NEMP2: variants seen among roughly 807,000 people sequenced by gnomAD.
The protein encoded by NEMP2 is nuclear envelope integral membrane protein 2.
NEMP2 carries 53 observed loss-of-function variants against 54.2 expected under a neutral mutation model. The observed-to-expected ratio is 0.98, with a 90% CI of 0.78 to 1.23. NEMP2 has a LOEUF of 1.23. Ranked by LOEUF, NEMP2 falls within the 50% of genes most tolerant of loss-of-function variation. NEMP2 has a pLI of 0.00. For missense variants in NEMP2, 455 were observed against 511.3 expected (o/e 0.89, Z 1.06); for synonymous variants, 197 against 190.3 (o/e 1.04, Z -0.29).
the NEMP2 span, among the ~76,000 whole-genome samples, chr2:190,450,604 C>T: frequency 4.6e-5 from 7 of 151,064 alleles, no homozygotes; most frequent in African/African-American, 1.5e-4. Flanking sequence ...ATGATACCCC[C>T]ACCCCAGCCT....
chr2:190,496,818 C>A, the NEMP2 span, among the ~76,000 whole-genome samples: 1 of 152,124 alleles, frequency 6.6e-6, no homozygotes, highest in Admixed American at 6.5e-5. This position sits in a 1 kb window ranked among gnomAD's most constrained non-coding sequence, Gnocchi z 4.7. Context: ...GAATGGAAAA[C>A]CAAACATCGT....
chr2:190,631,860 A>C, the NEMP2 span, among the ~76,000 whole-genome samples: 1 of 152,184 alleles, frequency 6.6e-6, no homozygotes, highest in Non-Finnish European at 1.5e-5. Context: ...GTTCGAGACC[A>C]GCCTGGGCAA....
chr2:190,639,284 T>G, the NEMP2 span, among the ~76,000 whole-genome samples: 57 of 152,190 alleles, frequency 3.7e-4, no homozygotes, highest in African/African-American at 1.1e-3. Context: ...GGGTCTACCA[T>G]GTGTCAGATG....
At chr2:190,503,018 G>A (rs1053212249), downstream of NEMP2, among the ~76,000 whole-genome samples, 4 of 152,190 alleles carry the variant, frequency 2.6e-5, no homozygotes, top group Non-Finnish European at 4.4e-5. The surrounding 1 kb of genome is among the most constrained non-coding windows in gnomAD (Gnocchi z 6.3). Context: ...CCCTGCATCT[G>A]TTATGGCAGA....
At chr2:190,500,141 C>G (rs758862665), downstream of NEMP2, 13 of 1,614,008 alleles carry the variant, frequency 8.1e-6, no homozygotes, top group Admixed American at 1.7e-4. The surrounding 1 kb of genome is among the most constrained non-coding windows in gnomAD (Gnocchi z 5.3). Context: ...GCAGACCAGC[C>G]CCGCTCACCC....
the NEMP2 span, among the ~76,000 whole-genome samples, chr2:190,428,654 C>CTTATTTAT: frequency 3.1e-4 from 34 of 108,346 alleles, no homozygotes; most frequent in African/African-American, 1.4e-3. Context: ...GAGATGCTTG[C>CTTATTTAT]TTATTTATTT....
the NEMP2 span, among the ~76,000 whole-genome samples, chr2:190,440,292 GA>G: frequency 6.6e-6 from 1 of 152,136 alleles, no homozygotes; most frequent in African/African-American, 2.4e-5. Context: ...GTTTCTCAGG[GA>G]CTGACCTGTC....
chr2:190,472,026 G>A, the NEMP2 span, among the ~76,000 whole-genome samples: 1 of 152,188 alleles, frequency 6.6e-6, no homozygotes, highest in Non-Finnish European at 1.5e-5. Context: ...TGCAGCTGAG[G>A]CTCCTGACTG....
chr2:190,468,651 T>C, the NEMP2 span, among the ~76,000 whole-genome samples: 2 of 148,916 alleles, frequency 1.3e-5, no homozygotes, highest in African/African-American at 5.0e-5. Flanking sequence ...TAGAGACAGG[T>C]TCTCACTATG....
the NEMP2 span, chr2:190,437,502 G>A: frequency 1.9e-6 from 3 of 1,614,210 alleles, no homozygotes; most frequent in Non-Finnish European, 2.5e-6. The surrounding 1 kb of genome is among the most constrained non-coding windows in gnomAD (Gnocchi z 5.9). Flanking sequence ...TGAGTCATGT[G>A]TCTGAGCTGA....
chr2:190,422,599 T>C, the NEMP2 span, among the ~76,000 whole-genome samples: 1 of 152,200 alleles, frequency 6.6e-6, no homozygotes, highest in East Asian at 1.9e-4. Flanking sequence ...ATGCTTATTA[T>C]GTGAAATATT....
chr2:190,644,098 C>T, the NEMP2 span, among the ~76,000 whole-genome samples: 4 of 152,026 alleles, frequency 2.6e-5, no homozygotes, highest in Non-Finnish European at 4.4e-5. This position sits in a 1 kb window ranked among gnomAD's most constrained non-coding sequence, Gnocchi z 4.4. Flanking sequence ...ACAAGGAAAA[C>T]AGTGCTATTA....
At chr2:190,471,926 G>T in the NEMP2 span, among the ~76,000 whole-genome samples, 1 of 152,214 alleles carries the variant, frequency 6.6e-6, no homozygotes, top group Non-Finnish European at 1.5e-5. This position sits in a 1 kb window ranked among gnomAD's most constrained non-coding sequence, Gnocchi z 4.7. Flanking sequence ...AATATTTGCT[G>T]TTCACCAATA....
the NEMP2 span, chr2:190,625,595 G>C: frequency 6.6e-6 from 1 of 152,140 alleles, no homozygotes; most frequent in African/African-American, 2.4e-5. Context: ...TTTTATAAAA[G>C]AAAGAAAGGA....
chr2:190,563,184 T>C, the NEMP2 span, among the ~76,000 whole-genome samples: 2 of 152,206 alleles, frequency 1.3e-5, no homozygotes, highest in African/African-American at 4.8e-5. This position sits in a 1 kb window ranked among gnomAD's most constrained non-coding sequence, Gnocchi z 4.3. Flanking sequence ...CAAGGTGGCT[T>C]TGTGCTGTGT....
Position 190,521,737 on chromosome 2 carries a change from T to C in NEMP2, c.214-2554A>G, listed in dbSNP as rs1371138809. Among the ~76,000 whole-genome samples, 2 of 152,232 alleles carry C rather than the reference T, an allele frequency of 1.3e-5. No individual in the cohort carries two copies. Among genetic ancestry groups the C allele is most frequent in the African/African-American group, 2.4e-5 (1 of 41,460 alleles). ...GTTGCTAACTCAAATGCCCAATTAA[T>C]TCTCAGTCATCTTATTTGACCTGTC... On this transcript the variant is annotated intron_variant, in intron 2 of 8. Coordinates refer to ENST00000409150, the MANE Select transcript of NEMP2 (RefSeq NM_001142645.2). This position sits in a 1 kb window ranked among gnomAD's most constrained non-coding sequence, Gnocchi z 6.2.
chr2:190,633,342 T>A, the NEMP2 span, among the ~76,000 whole-genome samples: 1 of 151,426 alleles, frequency 6.6e-6, no homozygotes, highest in Non-Finnish European at 1.5e-5. Context: ...AGACAGGGTT[T>A]CGCTCTTGTT....
At chr2:190,436,106 T>C in the NEMP2 span, 4 of 1,614,230 alleles carry the variant, frequency 2.5e-6, no homozygotes, top group Non-Finnish European at 3.4e-6. This position sits in a 1 kb window ranked among gnomAD's most constrained non-coding sequence, Gnocchi z 5.3. Context: ...GCAGATCCCT[T>C]TAATGGTATT....
the NEMP2 span, among the ~76,000 whole-genome samples, chr2:190,562,041 G>A: frequency 6.6e-6 from 1 of 152,152 alleles, no homozygotes; most frequent in Non-Finnish European, 1.5e-5. The surrounding 1 kb of genome is among the most constrained non-coding windows in gnomAD (Gnocchi z 5.0). Context: ...TTTTCAAAGG[G>A]TAATTAAAGG....
Sources: gnomAD v4.1 joint callset for allele counts (sites outside exome capture counted in the v4.1 genomes callset) on GRCh38, gnomAD v4.1.1 for gene constraint, Gnocchi (gnomAD v3.1) non-coding constraint, MANE v1.5 for transcripts, NCBI Gene and HGNC (gene_info 2026-07-23, HGNC 2026-07-21) for gene names.